The following CEP63 variants were observed in gnomAD, a reference collection of about 807,000 sequenced individuals.
The protein encoded by CEP63 is centrosomal protein of 63 kDa.
In CEP63, 84 loss-of-function variants were observed where a neutral mutation model predicts 89.1. That is an observed-to-expected ratio of 0.94 (90% CI 0.79 to 1.13). CEP63 has a LOEUF of 1.13. Ranked by LOEUF, CEP63 falls within the 50% of genes most tolerant of loss-of-function variation. CEP63 has a pLI of 0.00. For missense variants in CEP63, 838 were observed against 813.3 expected (o/e 1.03, Z -0.37); for synonymous variants, 267 against 272.5 (o/e 0.98, Z 0.20).
At chr3:134,591,742 G>T (rs567124885), downstream of CEP63, among the ~76,000 whole-genome samples, 20 of 151,926 alleles carry the variant, frequency 1.3e-4, no homozygotes, top group Non-Finnish European at 2.2e-4. Flanking sequence ...TTGGTCGGGT[G>T]TGGTGGTACA....
intron 10 of CEP63, among the ~76,000 whole-genome samples, chr3:134,581,665 T>A (rs62271515): frequency 0.65 from 95,001 of 146,864 alleles, 31,327 homozygotes; most frequent in East Asian, 0.81. Flanking sequence ...TCAATACACA[T>A]TCATGATGAA....
chr3:134,586,067 C>CT (rs1424237451), intron 10 of CEP63, among the ~76,000 whole-genome samples: 10 of 151,998 alleles, frequency 6.6e-5, no homozygotes, highest in Middle Eastern at 3.4e-3. Flanking sequence ...TCCTCCATCC[C>CT]TTTATTTTGA....
intron 3 of CEP63, among the ~76,000 whole-genome samples, chr3:134,518,276 T>C (rs1228332317): frequency 1.3e-5 from 2 of 152,160 alleles, no homozygotes; most frequent in African/African-American, 4.8e-5. Context: ...GAAGATTTGA[T>C]CAAGATTAAC....
At chr3:134,553,876 G>C (rs1397105462) in intron 12 of CEP63, among the ~76,000 whole-genome samples, 4 of 152,070 alleles carry the variant, frequency 2.6e-5, no homozygotes. Context: ...GAGCAAGTGT[G>C]CATAAAATGG....
the CEP63 span, among the ~76,000 whole-genome samples, chr3:134,689,050 T>C: frequency 6.6e-6 from 1 of 152,340 alleles, no homozygotes; most frequent in Non-Finnish European, 1.5e-5. Context: ...TTAGTGATGG[T>C]TGGGCACAAC....
the CEP63 span, among the ~76,000 whole-genome samples, chr3:134,739,440 T>C: frequency 5.2e-4 from 79 of 152,294 alleles, no homozygotes; most frequent in Admixed American, 2.2e-3. Context: ...GAAACTCTTA[T>C]ATATATACCG....
chr3:134,527,859 C>T (rs915033855), intron 3 of CEP63, among the ~76,000 whole-genome samples: 1 of 152,084 alleles, frequency 6.6e-6, no homozygotes, highest in African/African-American at 2.4e-5. Flanking sequence ...ATGGACAAGA[C>T]TACCCTGCAG....
the CEP63 span, among the ~76,000 whole-genome samples, chr3:134,708,280 G>T: frequency 6.6e-6 from 1 of 152,234 alleles, no homozygotes; most frequent in African/African-American, 2.4e-5. Flanking sequence ...AGATTAATTT[G>T]TTCAATTAGT....
chr3:134,574,175 G>A (rs1958131436), intron 11 of CEP63, among the ~76,000 whole-genome samples: 1 of 152,214 alleles, frequency 6.6e-6, no homozygotes, highest in Non-Finnish European at 1.5e-5. Context: ...GGAGGAGCTG[G>A]TGCTCTGTGT....
the CEP63 span, chr3:134,755,671 C>T: frequency 6.6e-6 from 1 of 152,264 alleles, no homozygotes; most frequent in Admixed American, 6.5e-5. Flanking sequence ...TGGCTCCTTT[C>T]TGTGGAGAAG....
Position 134,558,198 on chromosome 3 carries a change from A to G in CEP63, c.1524A>G (p.Lys508=). The change falls in exon 13 of 15, where the codon AAA becomes AAG. Residue 508 remains lysine, a synonymous_variant. Transcript: ENST00000675561. ...AGAATTATATTGAGGCATTAAATAA[A>G]TTAGTGTCTGAAAATCAACAACTAC... ...LQENYIEALN[K]LVSENQQLQK... is the part of the protein sequence containing the mutation. The G allele has an allele frequency of 6.2e-7, 1 of 1,613,852 alleles. No individual in the cohort carries two copies. The highest frequency in any genetic ancestry group is 8.5e-7 in the Non-Finnish European group (1 of 1,179,822).
At chr3:134,558,909 G>A (rs1019346816) in intron 13 of CEP63, among the ~76,000 whole-genome samples, 1 of 152,080 alleles carries the variant, frequency 6.6e-6, no homozygotes, top group Non-Finnish European at 1.5e-5. Flanking sequence ...AGATTACTCT[G>A]GCAGCTTGTT....
the CEP63 span, among the ~76,000 whole-genome samples, chr3:134,706,855 A>T: frequency 6.6e-6 from 1 of 152,112 alleles, no homozygotes; most frequent in South Asian, 2.1e-4. Context: ...TGCATCCTGC[A>T]TTCTCTACCT....
downstream of CEP63, among the ~76,000 whole-genome samples, chr3:134,569,288 T>G (rs2110269290): frequency 6.6e-6 from 1 of 152,256 alleles, no homozygotes; most frequent in East Asian, 1.9e-4. Flanking sequence ...AACTCAAAAG[T>G]CCATAGTCCA....
At chr3:134,486,435 C>G in intron 1 of CEP63, 1 of 985,548 alleles carries the variant, frequency 1.0e-6, no homozygotes, top group Non-Finnish European at 1.2e-6. Context: ...CGGCCTGGCC[C>G]GCTATGCCCT....
chr3:134,673,837 T>C, the CEP63 span, among the ~76,000 whole-genome samples: 64 of 152,304 alleles, frequency 4.2e-4, no homozygotes, highest in African/African-American at 1.3e-3. Context: ...TCTGGGCTCA[T>C]TGGCCACATT....
At chr3:134,651,015 C>G in the CEP63 span, 4 of 1,609,480 alleles carry the variant, frequency 2.5e-6, no homozygotes, top group Non-Finnish European at 3.4e-6. Flanking sequence ...GCTGCTTGCG[C>G]TGCAAATGGC....
the CEP63 span, among the ~76,000 whole-genome samples, chr3:134,742,741 C>T: frequency 6.6e-6 from 1 of 152,220 alleles, no homozygotes; most frequent in Non-Finnish European, 1.5e-5. Flanking sequence ...GTGGGTTTAA[C>T]TTCTTAATGA....
At chr3:134,756,520 G>A in the CEP63 span, among the ~76,000 whole-genome samples, 2 of 152,104 alleles carry the variant, frequency 1.3e-5, no homozygotes, top group Non-Finnish European at 2.9e-5. Flanking sequence ...CACCTGGATA[G>A]TTTTTGTATT....
Sources: allele counts gnomAD v4.1 joint callset (sites outside exome capture counted in the v4.1 genomes callset), GRCh38; gene constraint gnomAD v4.1.1; transcripts MANE v1.5; gene names NCBI Gene and HGNC (gene_info 2026-07-23, HGNC 2026-07-21).